The following SRGAP3 variants were observed in gnomAD, a reference collection of about 807,000 sequenced individuals.
The protein encoded by SRGAP3 is SLIT-ROBO Rho GTPase-activating protein 3.
Under a neutral mutation model 121.1 loss-of-function variants are expected in SRGAP3, and 39 were observed. The ratio of observed to expected loss-of-function variants is 0.32; its 90% CI spans 0.25 to 0.42. The LOEUF (loss-of-function observed/expected upper bound fraction) is 0.42. SRGAP3 is among the 10% of genes least tolerant of loss of function. The pLI is 1.00. For synonymous variants in SRGAP3, 601 were observed against 570.0 expected (o/e 1.05, Z -0.77); for missense variants, 1,213 against 1,470.6 (o/e 0.82, Z 2.86).
rs1575010579 is a variant in SRGAP3, at chr3:9,064,891, G to A, written c.487-310C>T. Among the ~76,000 whole-genome samples the A allele has an allele frequency of 2.8e-5, 4 of 140,386 alleles. No homozygotes were observed. The East Asian group carries it at 9.0e-4, about 31-fold the overall frequency. The allele number at this position is 140,386 out of a possible 152,430, so 92.1% of individuals were successfully genotyped here. ...AATAAATAAATAAATAAATAAATAA[G>A]GAGGAAATTTAAAAGGGTAACCGTA... On this transcript the variant is annotated intron_variant, in intron 4 of 21. Transcript: ENST00000383836.
At chr3:9,231,342 G>A (rs780621564) in intron 1 of SRGAP3, among the ~76,000 whole-genome samples, 2 of 152,240 alleles carry the variant, frequency 1.3e-5, no homozygotes, top group South Asian at 4.1e-4. Flanking sequence ...CCTTGGAAAC[G>A]GCCGTCACCC....
chr3:9,083,056 C>T (rs1301208756), intron 3 of SRGAP3, among the ~76,000 whole-genome samples: 1 of 152,180 alleles, frequency 6.6e-6, no homozygotes, highest in African/African-American at 2.4e-5. Flanking sequence ...TGTACTGGTG[C>T]TCTATGAACC....
At chr3:9,212,353 T>C (rs1455858883) in intron 1 of SRGAP3, among the ~76,000 whole-genome samples, 1 of 152,188 alleles carries the variant, frequency 6.6e-6, no homozygotes, top group Non-Finnish European at 1.5e-5. Context: ...TGGTAATAGC[T>C]AATGTCTCAA....
intron 1 of SRGAP3, among the ~76,000 whole-genome samples, chr3:9,176,862 C>T (rs1560348235): frequency 1.3e-5 from 2 of 152,236 alleles, no homozygotes; most frequent in Admixed American, 1.3e-4. Flanking sequence ...CCAGGCCCTA[C>T]CCCAACAGTG....
intron 6 of SRGAP3, chr3:9,059,862 C>T: frequency 2.9e-6 from 1 of 341,486 alleles, no homozygotes; most frequent in Non-Finnish European, 5.7e-6. Context: ...AATAACATCT[C>T]CTTTACCACA....
intron 2 of SRGAP3, among the ~76,000 whole-genome samples, chr3:9,326,937 T>A (rs559788813): frequency 6.6e-6 from 1 of 151,872 alleles, no homozygotes; most frequent in Non-Finnish European, 1.5e-5. Flanking sequence ...CCAATGAAGA[T>A]AGCATGAGGC....
chr3:9,005,011 A>G (rs944950084), intron 18 of SRGAP3, among the ~76,000 whole-genome samples: 1 of 152,240 alleles, frequency 6.6e-6, no homozygotes, highest in East Asian at 1.9e-4. Flanking sequence ...TGGAAATTGT[A>G]TATCTGATAA....
At chr3:9,186,575 G>C (rs543235033) in intron 1 of SRGAP3, among the ~76,000 whole-genome samples, 1 of 152,282 alleles carries the variant, frequency 6.6e-6, no homozygotes, top group Non-Finnish European at 1.5e-5. Context: ...CACCAGTGAA[G>C]TATTACTTCG....
intron 1 of SRGAP3, among the ~76,000 whole-genome samples, chr3:9,209,126 T>G (rs1952357965): frequency 6.6e-6 from 1 of 152,206 alleles, no homozygotes; most frequent in Admixed American, 6.5e-5. Flanking sequence ...ATATTTTACC[T>G]TCCTCACCTC....
intron 14 of SRGAP3, among the ~76,000 whole-genome samples, chr3:9,019,338 ATGT>A (rs1261112575): frequency 2.6e-5 from 4 of 152,004 alleles, no homozygotes; most frequent in African/African-American, 9.7e-5. Flanking sequence ...CATCTCAAGA[ATGT>A]TGTTTTCCAC....
intron 1 of SRGAP3, among the ~76,000 whole-genome samples, chr3:9,197,118 G>A (rs919387020): frequency 2.0e-5 from 3 of 152,178 alleles, no homozygotes; most frequent in Admixed American, 2.0e-4. Flanking sequence ...GTAGAAAAGG[G>A]ATTCGTATAG....
chr3:9,314,367 G>A (rs1021363951), intron 3 of SRGAP3, among the ~76,000 whole-genome samples: 2 of 152,024 alleles, frequency 1.3e-5, no homozygotes, highest in African/African-American at 4.8e-5. Flanking sequence ...ACCAGCCTGG[G>A]CAACACAGGG....
intron 3 of SRGAP3, among the ~76,000 whole-genome samples, chr3:9,256,056 C>G (rs1954125994): frequency 6.6e-6 from 1 of 152,038 alleles, no homozygotes; most frequent in Admixed American, 6.5e-5. Context: ...ACCGAGAGAC[C>G]CTGCAATGCA....
chr3:9,215,207 C>T (rs1466511762), intron 1 of SRGAP3, among the ~76,000 whole-genome samples: 2 of 152,156 alleles, frequency 1.3e-5, no homozygotes, highest in Non-Finnish European at 2.9e-5. Context: ...CTCCAGCCTC[C>T]TTGTTAGATT....
chr3:9,116,307 T>C (rs1405700226), intron 2 of SRGAP3, among the ~76,000 whole-genome samples: 2 of 152,248 alleles, frequency 1.3e-5, no homozygotes, highest in African/African-American at 4.8e-5. Flanking sequence ...ATAAGTCTAT[T>C]TGTTAAATAT....
chr3:9,307,049 T>C (rs965709538), intron 3 of SRGAP3, among the ~76,000 whole-genome samples: 1 of 152,216 alleles, frequency 6.6e-6, no homozygotes, highest in African/African-American at 2.4e-5. Flanking sequence ...CATGGCTTAC[T>C]GTAGCCTCAG....
chr3:9,028,721 A>G (rs1479242081), intron 12 of SRGAP3, among the ~76,000 whole-genome samples: 1 of 152,144 alleles, frequency 6.6e-6, no homozygotes, highest in Non-Finnish European at 1.5e-5. Flanking sequence ...ACAGCTTCCC[A>G]TGTTTCCCTG....
At chr3:8,992,053 A>G (rs1378536232) in intron 20 of SRGAP3, among the ~76,000 whole-genome samples, 1 of 152,192 alleles carries the variant, frequency 6.6e-6, no homozygotes, top group East Asian at 1.9e-4. Flanking sequence ...GCCCCGAGCT[A>G]TCTGCTGAAC....
At chr3:9,088,190 C>T (rs1947582093) in intron 3 of SRGAP3, among the ~76,000 whole-genome samples, 1 of 152,176 alleles carries the variant, frequency 6.6e-6, no homozygotes, top group African/African-American at 2.4e-5. Flanking sequence ...CCCACATTTT[C>T]CACACTACTT....
Sources: gnomAD v4.1 joint callset for allele counts (sites outside exome capture counted in the v4.1 genomes callset) on GRCh38, gnomAD v4.1.1 for gene constraint, MANE v1.5 for transcripts, NCBI Gene and HGNC (gene_info 2026-07-23, HGNC 2026-07-21) for gene names.